MAML2: variants seen among roughly 807,000 people sequenced by gnomAD.
MAML2 encodes the protein mastermind like transcriptional coactivator 2, also known as mastermind-like protein 2.
Under a neutral mutation model 96.1 loss-of-function variants are expected in MAML2, and 22 were observed. The ratio of observed to expected loss-of-function variants is 0.23; its 90% confidence interval spans 0.16 to 0.33. The LOEUF is 0.33. Ranked by LOEUF, MAML2 falls within the 10% of genes least tolerant of loss-of-function variation. MAML2 has a pLI of 1.00. For missense variants in MAML2, 1,367 were observed against 1,392.4 expected (o/e 0.98, Z 0.29); for synonymous variants, 561 against 521.3 (o/e 1.08, Z -1.04).
rs562870948 is a variant in MAML2, at chr11:96,242,913, T to C, written c.513+98470A>G. Among the ~76,000 whole-genome samples, 53 of 152,316 alleles carry C rather than the reference T, an allele frequency of 3.5e-4. 1 individual carries two copies. The highest frequency in any genetic ancestry group is 6.8e-3 in the Middle Eastern group (2 of 294). Reference sequence around the variant, plus strand: ...CAATTATATAGGTTTTTCTTTTATGTAGCCTAGGGTTGAATGCATTACTGG... The same window carrying C: ...CAATTATATAGGTTTTTCTTTTATGCAGCCTAGGGTTGAATGCATTACTGG... On this transcript the variant is annotated intron_variant, in intron 1 of 4. Coordinates refer to ENST00000524717, the MANE Select transcript of MAML2 (RefSeq NM_032427.4).
At chr11:96,014,850 G>T (rs1858319249) in intron 2 of MAML2, among the ~76,000 whole-genome samples, 1 of 152,066 alleles carries the variant, frequency 6.6e-6, no homozygotes, top group Non-Finnish European at 1.5e-5. Flanking sequence ...CAAATCATGG[G>T]GTATGCAAAT....
At chr11:96,096,586 C>T (rs1006096224) in intron 1 of MAML2, among the ~76,000 whole-genome samples, 1 of 152,182 alleles carries the variant, frequency 6.6e-6, no homozygotes, top group East Asian at 1.9e-4. Context: ...TAGTAAGTGA[C>T]ACCCTAGGCC....
At chr11:96,090,663 T>C (rs896785305) in intron 2 of MAML2, among the ~76,000 whole-genome samples, 1 of 152,208 alleles carries the variant, frequency 6.6e-6, no homozygotes, top group Non-Finnish European at 1.5e-5. Flanking sequence ...CCAAGTCCAT[T>C]CTCCAAAATC....
In MAML2 at chr11:96,295,418, T is replaced by C. The variant is rs971392760; in HGVS notation, c.513+45965A>G. Among the ~76,000 whole-genome samples, 13 of 152,260 alleles carry C rather than the reference T, an allele frequency of 8.5e-5. No individual in the cohort carries two copies. In the South Asian group the frequency reaches 1.2e-3, roughly 15 times the overall value. On this transcript the variant is annotated intron_variant, in intron 1 of 4. Transcript: ENST00000524717. ...CATTTAAAACCACTTCTTACACGCC[T>C]AAATGAGATGAACTATAAACAGAAG...
intron 1 of MAML2, among the ~76,000 whole-genome samples, chr11:96,192,229 T>A (rs569836923): frequency 6.6e-6 from 1 of 152,268 alleles, no homozygotes; most frequent in Admixed American, 6.5e-5. Flanking sequence ...GATGGGCAGT[T>A]AGGGAATCAT....
At chr11:95,988,104 G>A (rs965263640) in intron 3 of MAML2, among the ~76,000 whole-genome samples, 2 of 147,006 alleles carry the variant, frequency 1.4e-5, no homozygotes, top group African/African-American at 2.5e-5. Context: ...CGTTTATACT[G>A]AAGACAGGAT....
chr11:96,015,037 T>C (rs906370138), intron 2 of MAML2, among the ~76,000 whole-genome samples: 1 of 152,208 alleles, frequency 6.6e-6, no homozygotes, highest in Non-Finnish European at 1.5e-5. Flanking sequence ...CTCCATTTTA[T>C]AGATGAGAGA....
At chr11:96,198,920 G>A (rs1188696032) in intron 1 of MAML2, among the ~76,000 whole-genome samples, 4 of 152,024 alleles carry the variant, frequency 2.6e-5, no homozygotes, top group Admixed American at 2.6e-4. Context: ...AGTCCTGGCT[G>A]GGTGCGGTGG....
intron 2 of MAML2, among the ~76,000 whole-genome samples, chr11:96,035,021 G>T (rs1203654598): frequency 6.6e-6 from 1 of 152,186 alleles, no homozygotes; most frequent in African/African-American, 2.4e-5. Context: ...ATAGGCAAAG[G>T]TCCTGGAATT....
At chr11:96,086,597 T>A (rs1038576977) in intron 2 of MAML2, among the ~76,000 whole-genome samples, 15 of 152,228 alleles carry the variant, frequency 9.9e-5, no homozygotes, top group Admixed American at 6.5e-4. Flanking sequence ...GATTGTTTAA[T>A]TTTTTAAAAA....
intron 1 of MAML2, among the ~76,000 whole-genome samples, chr11:96,284,555 A>G (rs1470805877): frequency 1.3e-5 from 2 of 152,170 alleles, no homozygotes; most frequent in Non-Finnish European, 2.9e-5. Flanking sequence ...CTTCTTTATG[A>G]TTGCAATACT....
At position 96,342,744 on chromosome 11, in the gene MAML2, A is replaced by T. The variant is rs1864017235; in HGVS notation, c.-849T>A. 1.2e-5 allele frequency: 4 copies of T among 321,446 alleles called. No individual in the cohort carries two copies. The allele number at this position is 321,446 out of a possible 1,614,324, so 19.9% of individuals were successfully genotyped here. ...ACTCCCTCTAAGGTTTCCTAGCCTT[A>T]AATGAAAAGCAATCTTAAGTCGCTA... is the stretch of plus-strand genomic sequence containing the variant. On this transcript the variant is annotated 5_prime_UTR_variant, in exon 1 of 5. Transcript: ENST00000524717.
intron 1 of MAML2, among the ~76,000 whole-genome samples, chr11:96,160,812 C>T (rs1861091267): frequency 6.6e-6 from 1 of 152,204 alleles, no homozygotes; most frequent in African/African-American, 2.4e-5. Flanking sequence ...GGAATAGAAT[C>T]TATGTAGCCC....
rs566051873 is a variant in MAML2 at position 96,051,552 on chromosome 11, G to C, written c.2139+40340C>G. Among the ~76,000 whole-genome samples, 6 of 152,240 alleles carry C rather than the reference G, an allele frequency of 3.9e-5. 1 individual carries two copies. The South Asian group carries it at 1.0e-3, about 26-fold the overall frequency. ...ACCCCTAGCATGGCATCTGAGCTCA[G>C]GCAGTCTGATTCTAGATCTCATGCC... On this transcript the variant is annotated intron_variant, in intron 2 of 4. Transcript: ENST00000524717.
chr11:96,181,486 A>G (rs952773409), intron 1 of MAML2, among the ~76,000 whole-genome samples: 2 of 152,206 alleles, frequency 1.3e-5, no homozygotes, highest in African/African-American at 4.8e-5. Context: ...GTGCAACTAT[A>G]TTAATAACCA....
chr11:96,084,284 A>G (rs1859572877), intron 2 of MAML2, among the ~76,000 whole-genome samples: 1 of 152,154 alleles, frequency 6.6e-6, no homozygotes, highest in Non-Finnish European at 1.5e-5. Flanking sequence ...TGAGAAAATG[A>G]AGGCCATTTA....
chr11:96,219,206 A>G (rs1046563782), intron 1 of MAML2, among the ~76,000 whole-genome samples: 2 of 152,254 alleles, frequency 1.3e-5, no homozygotes, highest in Non-Finnish European at 2.9e-5. Flanking sequence ...TTTAGGTTGA[A>G]ATCTTTGATG....
chr11:96,301,114 C>T (rs1412218158), intron 1 of MAML2, among the ~76,000 whole-genome samples: 1 of 152,124 alleles, frequency 6.6e-6, no homozygotes, highest in African/African-American at 2.4e-5. Context: ...TTAACAATCG[C>T]CCAAGGGTCT....
chr11:96,272,983 T>C (rs1166677143), intron 1 of MAML2, among the ~76,000 whole-genome samples: 1 of 152,268 alleles, frequency 6.6e-6, no homozygotes, highest in Non-Finnish European at 1.5e-5. Flanking sequence ...TATTTCTATT[T>C]TACTTTTTCA....
Sources: gnomAD v4.1 joint callset for allele counts (sites outside exome capture counted in the v4.1 genomes callset) on GRCh38, gnomAD v4.1.1 for gene constraint, MANE v1.5 for transcripts, NCBI Gene and HGNC (gene_info 2026-07-23, HGNC 2026-07-21) for gene names.